PIK3CD: variants seen among roughly 807,000 people sequenced by gnomAD.
PIK3CD encodes phosphatidylinositol 4,5-bisphosphate 3-kinase catalytic subunit delta isoform.
Under a neutral mutation model 122.9 loss-of-function variants are expected in PIK3CD, and 20 were observed. That is an observed-to-expected ratio of 0.16 (90% CI 0.11 to 0.24). The LOEUF (loss-of-function observed/expected upper bound fraction) is 0.24. Among genes scored for constraint, PIK3CD ranks in the 10% least tolerant of loss-of-function variants. The pLI is 1.00. For synonymous variants in PIK3CD, 596 were observed against 593.4 expected (o/e 1.00, Z -0.06); for missense variants, 787 against 1,406.3 (o/e 0.56, Z 7.04).
intron 3 of PIK3CD, among the ~76,000 whole-genome samples, chr1:9,712,756 C>T (rs529399501): frequency 2.6e-5 from 4 of 152,292 alleles, no homozygotes; most frequent in Non-Finnish European, 2.9e-5. Context: ...TAGGAAAAGG[C>T]CTGGCATGGT....
chr1:9,680,300 G>A (rs1425679085), intron 1 of PIK3CD, among the ~76,000 whole-genome samples: 1 of 152,000 alleles, frequency 6.6e-6, no homozygotes, highest in East Asian at 1.9e-4. Context: ...TATATTCACA[G>A]TTATGCAACC....
At chr1:9,712,889 A>G (rs539845140) in intron 3 of PIK3CD, among the ~76,000 whole-genome samples, 1 of 152,012 alleles carries the variant, frequency 6.6e-6, no homozygotes, top group East Asian at 1.9e-4. Flanking sequence ...TGAAAAATAA[A>G]AAAATTAGCC....
the PIK3CD span, among the ~76,000 whole-genome samples, chr1:9,633,875 G>C: frequency 2.6e-5 from 4 of 152,172 alleles, no homozygotes; most frequent in Non-Finnish European, 5.9e-5. Context: ...AAGTTCTTAA[G>C]AGGGACCAGA....
Position 9,689,947 on chromosome 1 carries a change from C to T in PIK3CD, c.-137-1520C>T, listed in dbSNP as rs934798213. ...TATGGGCCGCGCGACGCTCTCCTCT[C>T]CTAATCTGGTTGCTTCCTTTTGTGC... On this transcript the variant is annotated intron_variant, in intron 1 of 23. Transcript: ENST00000377346. This position sits in a 1 kb window ranked among gnomAD's most constrained non-coding sequence, Gnocchi z 6.1. Among the ~76,000 whole-genome samples the T allele has an allele frequency of 2.0e-5, 3 of 152,184 alleles. No homozygotes were observed. The highest frequency in any genetic ancestry group is 4.8e-5 in the African/African-American group (2 of 41,462).
At chr1:9,649,096 T>G (rs1644633241), upstream of PIK3CD, among the ~76,000 whole-genome samples, 1 of 107,120 alleles carries the variant, frequency 9.3e-6, no homozygotes, top group South Asian at 4.1e-4. Flanking sequence ...AGCAAGACCC[T>G]GTCTCAACAA....
chr1:9,706,050 ATTTTTTT>A (rs140912843), intron 2 of PIK3CD, among the ~76,000 whole-genome samples: 18 of 85,204 alleles, frequency 2.1e-4, no homozygotes, highest in African/African-American at 4.8e-4. Flanking sequence ...ATTTATTGGA[ATTTTTTT>A]TTTTTTTTTT....
In PIK3CD at chr1:9,719,156, C is replaced by A. The variant is rs2100915500; in HGVS notation, c.1242+241C>A. 6.6e-6 allele frequency among the ~76,000 whole-genome samples: 1 copy of A among 152,322 alleles called. No individual in the cohort carries two copies. Among genetic ancestry groups the A allele is most frequent in the South Asian group, 2.1e-4 (1 of 4,832 alleles). On this transcript the variant is annotated intron_variant, in intron 9 of 23. Transcript: ENST00000377346. This position sits in a 1 kb window ranked among gnomAD's most constrained non-coding sequence, Gnocchi z 5.5. ...CAGAATATCTGGCCTGGGCTGTGGT[C>A]CTGCAGGAACCTGCAGGTAGTGCCC...
chr1:9,674,711 GAAACA>G (rs1645450385), intron 1 of PIK3CD, among the ~76,000 whole-genome samples: 4 of 137,500 alleles, frequency 2.9e-5, no homozygotes, highest in African/African-American at 1.1e-4. Context: ...AAAAAAAAAA[GAAACA>G]AAAAGAAAAG....
the PIK3CD span, among the ~76,000 whole-genome samples, chr1:9,629,110 G>C: frequency 0.011 from 1,651 of 152,192 alleles, 36 homozygotes; most frequent in African/African-American, 0.038. Flanking sequence ...TGGGGGTCTC[G>C]GGCCACTGAC....
At chr1:9,640,511 G>A in the PIK3CD span, among the ~76,000 whole-genome samples, 46 of 151,798 alleles carry the variant, frequency 3.0e-4, no homozygotes, top group Non-Finnish European at 5.6e-4. Context: ...CCAGGGAGGC[G>A]GAAGTTGTAG....
chr1:9,645,661 C>T, the PIK3CD span, among the ~76,000 whole-genome samples: 987 of 148,420 alleles, frequency 6.7e-3, 8 homozygotes, highest in African/African-American at 0.023. Flanking sequence ...GACTGGAGTG[C>T]AATGGCATGA....
Position 9,717,659 on chromosome 1 carries a change from G to T in PIK3CD, c.1020+33G>T. 1.3e-6 allele frequency: 2 copies of T among 1,596,978 alleles called. No homozygotes were observed. The highest frequency in any genetic ancestry group is 1.7e-6 in the Non-Finnish European group (2 of 1,165,004). Reference sequence around the variant, plus strand: ...TCCTGGGATAGGTGGGAGAGACACTGTTTTTTTGCACAAACAAGGTGGCTG... The same window carrying T: ...TCCTGGGATAGGTGGGAGAGACACTTTTTTTTTGCACAAACAAGGTGGCTG... On this transcript the variant is annotated intron_variant, in intron 8 of 23. Transcript: ENST00000377346. This position sits in a 1 kb window ranked among gnomAD's most constrained non-coding sequence, Gnocchi z 5.4.
Position 9,659,530 on chromosome 1 carries a change from A to G in PIK3CD, c.-138+7728A>G, listed in dbSNP as rs114700235. ...CAAAATTGAAATTCTTTTCCCCTTA[A>G]ACACTAACTCCCCTCTCCTCCCAGC... On this transcript the variant is annotated intron_variant, in intron 1 of 23. Transcript: ENST00000377346. 7.1e-3 allele frequency among the ~76,000 whole-genome samples: 1,079 copies of G among 152,052 alleles called. 15 individuals are homozygous for G. The highest frequency in any genetic ancestry group is 0.024 in the African/African-American group (992 of 41,478).
chr1:9,658,372 C>T (rs1257105335), intron 1 of PIK3CD, among the ~76,000 whole-genome samples: 8 of 129,786 alleles, frequency 6.2e-5, no homozygotes, highest in Non-Finnish European at 1.1e-4. Context: ...CGTGACAGAG[C>T]GAGACCCTGT....
At chr1:9,725,030 C>T (rs1411951213) in intron 23 of PIK3CD, 94 bp downstream of exon 23, 1 of 1,447,008 alleles carries the variant, frequency 6.9e-7, no homozygotes, top group Non-Finnish European at 9.5e-7. Context: ...GCAGTAGGCC[C>T]CAAAGGGCAC....
chr1:9,691,655 C>A (rs1182285737), intron 2 of PIK3CD, 84 bp downstream of exon 2: 1 of 396,834 alleles, frequency 2.5e-6, no homozygotes, highest in Non-Finnish European at 4.4e-6. Flanking sequence ...TGAACAAACC[C>A]ATCCTCCCCG....
the PIK3CD span, among the ~76,000 whole-genome samples, chr1:9,644,890 A>G: frequency 1.3e-5 from 2 of 152,266 alleles, no homozygotes; most frequent in Admixed American, 1.3e-4. Flanking sequence ...ATGGAAGAGA[A>G]AAGAGGTGTT....
intron 2 of PIK3CD, among the ~76,000 whole-genome samples, chr1:9,692,602 C>T (rs1277061879): frequency 6.6e-6 from 1 of 151,984 alleles, no homozygotes; most frequent in African/African-American, 2.4e-5. Flanking sequence ...TAGTGGTGGG[C>T]ACCTGTAATC....
At chr1:9,680,200 T>C (rs1645696438) in intron 1 of PIK3CD, among the ~76,000 whole-genome samples, 1 of 152,048 alleles carries the variant, frequency 6.6e-6, no homozygotes, top group Admixed American at 6.6e-5. Flanking sequence ...GGTTTCAAAC[T>C]CTTGGTGTCA....
Sources: allele counts gnomAD v4.1 joint callset (sites outside exome capture counted in the v4.1 genomes callset), GRCh38; gene constraint gnomAD v4.1.1; non-coding constraint Gnocchi (gnomAD v3.1); transcripts MANE v1.5; gene names NCBI Gene and HGNC (gene_info 2026-07-23, HGNC 2026-07-21).